The following KLRG1 variants were observed in gnomAD, a reference collection of about 807,000 sequenced individuals.
KLRG1 encodes the protein killer cell lectin like receptor G1.
A neutral mutation model predicts 21.8 loss-of-function variants in KLRG1; 16 were observed. That is an observed-to-expected ratio of 0.73 (90% CI 0.50 to 1.11). KLRG1 has a LOEUF of 1.11. KLRG1 is among the 50% of genes most tolerant of loss of function. KLRG1 has a pLI of 0.00. For missense variants in KLRG1, 173 were observed against 218.3 expected, an observed-to-expected ratio of 0.79 and a Z score of 1.31; for synonymous variants, 69 against 75.9, an observed-to-expected ratio of 0.91 and a Z score of 0.47.
the KLRG1 span, among the ~76,000 whole-genome samples, chr12:9,114,758 G>A: frequency 1.1e-3 from 171 of 151,720 alleles, 1 homozygote; most frequent in Non-Finnish European, 1.9e-3. Flanking sequence ...TAACATATGT[G>A]GGTAGGTAAA....
the KLRG1 span, among the ~76,000 whole-genome samples, chr12:9,059,472 A>G: frequency 6.6e-6 from 1 of 152,196 alleles, no homozygotes; most frequent in African/African-American, 2.4e-5. Context: ...AAAAAATCCA[A>G]ACACCTAGCA....
chr12:9,089,333 G>T, the KLRG1 span: 1 of 988,598 alleles, frequency 1.0e-6, no homozygotes, highest in Non-Finnish European at 1.6e-6. Flanking sequence ...ACAGATATTT[G>T]GATAGTGAAG....
chr12:9,065,012 C>A, the KLRG1 span: 1 of 152,368 alleles, frequency 6.6e-6, no homozygotes, highest in Non-Finnish European at 1.5e-5. Context: ...GAGGCGCCCC[C>A]CAGGCAGGGC....
At chr12:9,064,689 C>T in the KLRG1 span, 177 of 154,388 alleles carry the variant, frequency 1.1e-3, no homozygotes, top group African/African-American at 3.6e-3. The surrounding 1 kb of genome is among the most constrained non-coding windows in gnomAD (Gnocchi z 4.0). Context: ...TGTAGTCGGG[C>T]ACGGAGGGGC....
the KLRG1 span, among the ~76,000 whole-genome samples, chr12:9,087,875 C>T: frequency 6.7e-6 from 1 of 150,114 alleles, no homozygotes; most frequent in East Asian, 1.9e-4. Flanking sequence ...TTGGATCTAC[C>T]CTAGCTGTAC....
chr12:9,024,648 G>A, the KLRG1 span, among the ~76,000 whole-genome samples: 138 of 152,244 alleles, frequency 9.1e-4, 2 homozygotes, highest in East Asian at 0.013. Context: ...AAACTCTCCA[G>A]CGATGTATAA....
chr12:9,157,078 C>A, the KLRG1 span: 1 of 1,189,034 alleles, frequency 8.4e-7, no homozygotes, highest in Admixed American at 2.2e-5. Flanking sequence ...TGATGCTCTC[C>A]CTCTCCGCAC....
chr12:8,964,525 G>A (rs1178313522), intron 1 of KLRG1, among the ~76,000 whole-genome samples: 4 of 152,160 alleles, frequency 2.6e-5, no homozygotes, highest in Non-Finnish European at 5.9e-5. Flanking sequence ...GATTTGGAGT[G>A]GAGAGTTCTG....
chr12:9,205,148 GTCTTT>G, the KLRG1 span, among the ~76,000 whole-genome samples: 1 of 152,078 alleles, frequency 6.6e-6, no homozygotes, highest in Non-Finnish European at 1.5e-5. Context: ...ATTTTGAAAA[GTCTTT>G]TCTTTTTTAT....
At chr12:9,078,491 C>T in the KLRG1 span, among the ~76,000 whole-genome samples, 2 of 152,088 alleles carry the variant, frequency 1.3e-5, no homozygotes, top group Non-Finnish European at 2.9e-5. Context: ...AATAGTGCCG[C>T]GATAAACATA....
the KLRG1 span, chr12:9,152,936 TG>T: frequency 4.3e-6 from 7 of 1,614,076 alleles, no homozygotes; most frequent in Non-Finnish European, 5.9e-6. Flanking sequence ...GGAAGAATAT[TG>T]TATTTCATGG....
the KLRG1 span, chr12:9,166,012 C>T: frequency 1.3e-6 from 2 of 1,568,902 alleles, no homozygotes; most frequent in Non-Finnish European, 1.7e-6. Flanking sequence ...GAACCACATT[C>T]CCTCCCCTCC....
chr12:9,115,436 C>A, the KLRG1 span: 2 of 186,368 alleles, frequency 1.1e-5, no homozygotes, highest in Non-Finnish European at 2.3e-5. Context: ...GAAAATGGAC[C>A]CTTGAGAAAG....
At chr12:9,018,098 G>T in the KLRG1 span, among the ~76,000 whole-genome samples, 1 of 152,126 alleles carries the variant, frequency 6.6e-6, no homozygotes, top group East Asian at 1.9e-4. Context: ...ATTGATGCAA[G>T]AAATTGAAGC....
intron 1 of KLRG1, among the ~76,000 whole-genome samples, chr12:8,955,375 A>ATTTTTTTTTTTTT (rs61263683): frequency 1.4e-5 from 1 of 71,300 alleles, no homozygotes; most frequent in African/African-American, 5.5e-5. Context: ...TATTGCTCTG[A>ATTTTTTTTTTTTT]TTTTTTTTTT....
At chr12:9,093,917 A>AAACG in the KLRG1 span, among the ~76,000 whole-genome samples, 1 of 151,316 alleles carries the variant, frequency 6.6e-6, no homozygotes, top group African/African-American at 2.5e-5. Context: ...ACAAACAAAC[A>AAACG]ACAAAAAAAA....
the KLRG1 span, among the ~76,000 whole-genome samples, chr12:9,038,860 G>A: frequency 4.7e-5 from 7 of 149,668 alleles, no homozygotes; most frequent in South Asian, 8.4e-4. Context: ...AGCAGAGATC[G>A]TGGGCTGCAC....
intron 1 of KLRG1, among the ~76,000 whole-genome samples, chr12:8,963,745 C>A (rs1442101405): frequency 1.3e-5 from 2 of 152,298 alleles, no homozygotes; most frequent in East Asian, 3.9e-4. Flanking sequence ...GATTCAACTT[C>A]TTCCTGGTTT....
the KLRG1 span, among the ~76,000 whole-genome samples, chr12:9,054,862 A>T: frequency 6.6e-6 from 1 of 152,182 alleles, no homozygotes. Context: ...TGCTGAAGTG[A>T]TGCTAGGAGG....
Sources: gnomAD v4.1 joint callset for allele counts (sites outside exome capture counted in the v4.1 genomes callset) on GRCh38, gnomAD v4.1.1 for gene constraint, Gnocchi (gnomAD v3.1) non-coding constraint, MANE v1.5 for transcripts, NCBI Gene and HGNC (gene_info 2026-07-23, HGNC 2026-07-21) for gene names.